DENND4A: variants seen among roughly 807,000 people sequenced by gnomAD.
DENND4A encodes DENN domain containing 4A.
Under a neutral mutation model 199.3 loss-of-function variants are expected in DENND4A, and 70 were observed. The ratio of observed to expected loss-of-function variants is 0.35; its 90% CI spans 0.29 to 0.43. DENND4A has a LOEUF of 0.43. DENND4A is among the 20% of genes least tolerant of loss of function. The pLI, the probability that DENND4A is intolerant of heterozygous loss-of-function variation, is 1.00. For missense variants in DENND4A, 1,723 were observed against 2,255.8 expected (o/e 0.76, Z 4.78); for synonymous variants, 686 against 766.9 (o/e 0.89, Z 1.74).
intron 12 of DENND4A, among the ~76,000 whole-genome samples, chr15:65,718,300 G>A (rs1025712669): frequency 6.6e-6 from 1 of 152,090 alleles, no homozygotes; most frequent in Admixed American, 6.5e-5. Flanking sequence ...GATCACTTGA[G>A]GCTAGGAGTT....
chr15:65,701,008 T>C (rs1596471002), intron 19 of DENND4A, 43 bp downstream of exon 19: 1 of 1,549,950 alleles, frequency 6.5e-7, no homozygotes, highest in East Asian at 2.3e-5. Flanking sequence ...CTGTAGCTAA[T>C]CAATTAATTT....
chr15:65,695,888 C>T (rs1307923557), intron 22 of DENND4A, among the ~76,000 whole-genome samples: 1 of 151,844 alleles, frequency 6.6e-6, no homozygotes, highest in East Asian at 1.9e-4. Context: ...TCCTTTGATA[C>T]AAGCATTTCT....
At chr15:65,664,510 A>C (rs1199490103) in intron 31 of DENND4A, 50 bp downstream of exon 31, 1 of 1,571,792 alleles carries the variant, frequency 6.4e-7, no homozygotes, top group Admixed American at 1.8e-5. Flanking sequence ...TAAGCAAACA[A>C]TATGAATCTG....
chr15:65,732,731 T>A (rs1490242654), intron 8 of DENND4A, 21 bp downstream of exon 8: 1 of 1,513,576 alleles, frequency 6.6e-7, no homozygotes, highest in East Asian at 2.3e-5. Flanking sequence ...GGTCCCCCAA[T>A]CAAAAACAAA....
intron 4 of DENND4A, among the ~76,000 whole-genome samples, chr15:65,749,099 C>A (rs1008886339): frequency 9.4e-5 from 14 of 148,912 alleles, no homozygotes; most frequent in South Asian, 8.5e-4. Flanking sequence ...GAAAAAAAAA[C>A]CAATATTCTC....
At chr15:65,669,672 T>C in intron 27 of DENND4A, 107 bp downstream of exon 27, 1 of 909,324 alleles carries the variant, frequency 1.1e-6, no homozygotes, top group East Asian at 2.7e-5. Context: ...GAATCTGTTA[T>C]TCATAGACAT....
intron 11 of DENND4A, chr15:65,727,776 GATTAAGTATGATTAA>G: frequency 2.7e-6 from 1 of 363,692 alleles, no homozygotes; most frequent in South Asian, 2.2e-5. Flanking sequence ...TCCCTGAATA[GATTAAGTATGATTAA>G]ATTTAAAATA....
At chr15:65,705,662 A>G (rs541870048) in intron 15 of DENND4A, among the ~76,000 whole-genome samples, 1 of 152,190 alleles carries the variant, frequency 6.6e-6, no homozygotes, top group East Asian at 1.9e-4. Flanking sequence ...CGTACAAATC[A>G]AGGCCACGAA....
chr15:65,748,939 G>A (rs1467201409), intron 4 of DENND4A, among the ~76,000 whole-genome samples: 1 of 149,428 alleles, frequency 6.7e-6, no homozygotes, highest in African/African-American at 2.5e-5. Context: ...GCTACAATGA[G>A]CCATGAGCAG....
In DENND4A at chr15:65,681,898, T is replaced by A. The variant is rs1026426725; in HGVS notation, c.4180-5264A>T. ...TTTTCTATTGGAGCTCTTGCATGACTAGGTGCATTGTCAATGAGCAGTAAT... is the reference window on the plus strand; with the variant it reads ...TTTTCTATTGGAGCTCTTGCATGACAAGGTGCATTGTCAATGAGCAGTAAT... On this transcript the variant is annotated intron_variant, in intron 23 of 32. Transcript: ENST00000443035. Among the ~76,000 whole-genome samples the A allele has an allele frequency of 9.9e-5, 15 of 152,232 alleles. 1 individual carries two copies. The highest frequency in any genetic ancestry group is 1.4e-4 in the African/African-American group (6 of 41,466).
chr15:65,684,818 A>ATTTTTT (rs541989496), intron 23 of DENND4A, among the ~76,000 whole-genome samples: 16 of 104,926 alleles, frequency 1.5e-4, no homozygotes, highest in South Asian at 3.1e-4. Context: ...TTTTCTTCCA[A>ATTTTTT]TTTTTTTTTT....
intron 1 of DENND4A, among the ~76,000 whole-genome samples, chr15:65,783,134 GTTTGA>G (rs1427234115): frequency 1.3e-5 from 2 of 152,120 alleles, no homozygotes; most frequent in Non-Finnish European, 2.9e-5. Flanking sequence ...AGGGGAAAAG[GTTTGA>G]TTTAAGTAAC....
rs536870467 is a variant in DENND4A, at chr15:65,738,424, A to G, written c.801+282T>C. Among the ~76,000 whole-genome samples the G allele has an allele frequency of 2.6e-5, 4 of 152,298 alleles. No homozygotes were observed. The South Asian group carries it at 8.3e-4, about 32-fold the overall frequency. On this transcript the variant is annotated intron_variant, in intron 6 of 32. Coordinates refer to ENST00000443035, the MANE Select transcript of DENND4A (RefSeq NM_001320835.1). ...TCTAAATTGCATTATATATTTAATA[A>G]TGTTACTTTCAAAGCTTCTTTATCA...
chr15:65,729,773 T>C, intron 9 of DENND4A, 95 bp from the exon 10 acceptor site: 1 of 1,143,556 alleles, frequency 8.7e-7, no homozygotes, highest in African/African-American at 1.6e-5. Flanking sequence ...TAGAGTAGGA[T>C]TTGTATTATA....
intron 5 of DENND4A, 41 bp downstream of exon 5, chr15:65,741,674 T>C (rs1284629363): frequency 1.5e-5 from 24 of 1,563,382 alleles, no homozygotes; most frequent in Non-Finnish European, 2.1e-5. Flanking sequence ...GGCCCTATAA[T>C]ACATTTATAT....
At chr15:65,746,909 A>C (rs1365540399) in intron 4 of DENND4A, among the ~76,000 whole-genome samples, 1 of 151,472 alleles carries the variant, frequency 6.6e-6, no homozygotes, top group African/African-American at 2.4e-5. Context: ...CTCTACTAAA[A>C]AAATGGTAAA....
chr15:65,722,955 T>C lies in DENND4A; in HGVS notation c.1488-7A>G, dbSNP rs1421520475. Reference sequence around the variant, plus strand: ...ATTTTTCTTGTCACCAATTCTAAGATTAAATAACAACAGGAATATATTTGT... The same window carrying C: ...ATTTTTCTTGTCACCAATTCTAAGACTAAATAACAACAGGAATATATTTGT... On this transcript the variant is annotated splice_polypyrimidine_tract_variant and splice_region_variant and intron_variant, in intron 11 of 32. Transcript: ENST00000443035. The C allele has an allele frequency of 6.3e-7, 1 of 1,595,302 alleles. No homozygotes were observed. The highest frequency in any genetic ancestry group is 8.5e-7 in the Non-Finnish European group (1 of 1,170,090).
chr15:65,708,130 G>A (rs1199308122), intron 14 of DENND4A, among the ~76,000 whole-genome samples: 1 of 151,928 alleles, frequency 6.6e-6, no homozygotes, highest in Non-Finnish European at 1.5e-5. Flanking sequence ...TCAAGTAGCT[G>A]GGACTACAGG....
intron 2 of DENND4A, among the ~76,000 whole-genome samples, chr15:65,757,987 G>GAAAA (rs1213913202): frequency 6.8e-6 from 1 of 147,738 alleles, no homozygotes; most frequent in Non-Finnish European, 1.5e-5. Flanking sequence ...ATCTCAAAAA[G>GAAAA]AAAAAAAAAA....
Sources: gnomAD v4.1 joint callset for allele counts (sites outside exome capture counted in the v4.1 genomes callset) on GRCh38, gnomAD v4.1.1 for gene constraint, MANE v1.5 for transcripts, NCBI Gene and HGNC (gene_info 2026-07-23, HGNC 2026-07-21) for gene names.